The following GRIP1 variants were observed in gnomAD, a reference collection of about 807,000 sequenced individuals.
GRIP1 encodes glutamate receptor-interacting protein 1.
Under a neutral mutation model 129.9 loss-of-function variants are expected in GRIP1, and 45 were observed. The observed-to-expected ratio is 0.35, with a 90% CI of 0.27 to 0.44. GRIP1 has a LOEUF of 0.44. Ranked by LOEUF, GRIP1 falls within the 20% of genes least tolerant of loss-of-function variation. The probability of loss-of-function intolerance (pLI) is 1.00; values close to 1 mark genes in which losing one functional copy is unlikely to be tolerated. For synonymous variants in GRIP1, 530 were observed against 520.8 expected (o/e 1.02, Z -0.24); for missense variants, 1,196 against 1,396.8 (o/e 0.86, Z 2.29).
rs2034459482 is a variant in GRIP1 at position 66,678,868 on chromosome 12, G to A, written c.37C>T (p.Leu13=). The change falls in exon 1 of 25, where the codon CTG becomes TTG. Residue 13 remains leucine (L), a synonymous_variant. Coordinates refer to ENST00000359742, the MANE Select transcript of GRIP1 (RefSeq NM_001366722.1). ...ACGATACCTTTAGTAAGTCGCCTCA[G>A]AATTTGACAACGGCATTTAAAAGAG... ...AVSFKCRCQI[L]RRLTKDESPY... is the part of the protein sequence containing the mutation. The A allele has an allele frequency of 6.2e-7, 1 of 1,613,348 alleles. No homozygotes were observed. The highest frequency in any genetic ancestry group is 1.3e-5 in the African/African-American group (1 of 74,902).
chr12:66,633,090 G>A (rs906992549), intron 1 of GRIP1, among the ~76,000 whole-genome samples: 1 of 151,602 alleles, frequency 6.6e-6, no homozygotes, highest in Non-Finnish European at 1.5e-5. Flanking sequence ...TTGGCTCACT[G>A]AAGCCTTGAC....
In GRIP1 at chr12:67,006,262, C is replaced by T. The variant is rs149068842; in HGVS notation, c.58+62788G>A. ...TCCAGTCAAGTAGGCTGCTAGGCAC[C>T]AACATTAAACAAAAAAGCCAGGCGA... On this transcript the variant is annotated intron_variant, in intron 1 of 1. Coordinates refer to the GRIP1 transcript ENST00000643019. 3.3e-5 allele frequency among the ~76,000 whole-genome samples: 5 copies of T among 152,094 alleles called. No individual in the cohort carries two copies. The South Asian group carries it at 6.2e-4, about 19-fold the overall frequency.
intron 7 of GRIP1, among the ~76,000 whole-genome samples, chr12:66,467,611 T>A (rs1353417627): frequency 2.0e-5 from 3 of 152,200 alleles, no homozygotes; most frequent in Non-Finnish European, 1.5e-5. Flanking sequence ...AGGTGGTTAG[T>A]TTTGCCCACC....
chr12:66,952,117 G>A (rs2041767740), intron 1 of GRIP1, among the ~76,000 whole-genome samples: 1 of 152,250 alleles, frequency 6.6e-6, no homozygotes, highest in East Asian at 1.9e-4. Flanking sequence ...AGGAAAGAAA[G>A]GTCAGAGGAG....
At chr12:66,603,707 C>T (rs2064382987) in intron 1 of GRIP1, among the ~76,000 whole-genome samples, 1 of 152,196 alleles carries the variant, frequency 6.6e-6, no homozygotes, top group African/African-American at 2.4e-5. Context: ...CCCAGGCCTG[C>T]AATGATCAAA....
chr12:66,543,704 C>T (rs1205225478), intron 2 of GRIP1, among the ~76,000 whole-genome samples: 1 of 152,134 alleles, frequency 6.6e-6, no homozygotes, highest in African/African-American at 2.4e-5. Context: ...ACCAAAATGA[C>T]ATAGATGATG....
At position 66,377,297 on chromosome 12, in the gene GRIP1, A is replaced by C. The variant is rs560588455; in HGVS notation, c.2622-12T>G. On this transcript the variant is annotated splice_polypyrimidine_tract_variant and intron_variant, in intron 20 of 24. Transcript: ENST00000359742. ...CAGCCCCTGCAAAACTGTTGTCAAG[A>C]AACACAGGCTGGGTTAGGAACTTGC... The C allele has an allele frequency of 3.9e-6, 6 of 1,539,362 alleles. No individual in the cohort carries two copies. The South Asian group carries it at 6.7e-5, about 17-fold the overall frequency.
At chr12:66,806,024 CA>C (rs2038985950), upstream of GRIP1, among the ~76,000 whole-genome samples, 1 of 141,668 alleles carries the variant, frequency 7.1e-6, no homozygotes, top group South Asian at 2.2e-4. Context: ...CTGATTCCCT[CA>C]ACCAAAACAA....
At chr12:66,648,479 G>T (rs2032545105) in intron 1 of GRIP1, among the ~76,000 whole-genome samples, 1 of 152,162 alleles carries the variant, frequency 6.6e-6, no homozygotes, top group African/African-American at 2.4e-5. Flanking sequence ...ATAAATGTTT[G>T]CTGAACTGGA....
At chr12:66,639,494 G>A (rs2031730975) in intron 1 of GRIP1, among the ~76,000 whole-genome samples, 1 of 152,148 alleles carries the variant, frequency 6.6e-6, no homozygotes, top group Admixed American at 6.5e-5. Flanking sequence ...CAGCAAAGTG[G>A]GAGGAGCAGA....
intron 11 of GRIP1, among the ~76,000 whole-genome samples, chr12:66,454,858 A>G (rs1006316509): frequency 6.6e-6 from 1 of 152,166 alleles, no homozygotes; most frequent in African/African-American, 2.4e-5. Context: ...AAAGTATTGG[A>G]GTCTTGGGGA....
intron 1 of GRIP1, among the ~76,000 whole-genome samples, chr12:67,042,153 G>A (rs965693584): frequency 2.6e-5 from 4 of 152,234 alleles, no homozygotes; most frequent in Admixed American, 6.5e-5. Flanking sequence ...GCCTTCTCCC[G>A]TGGGATGACT....
intron 1 of GRIP1, among the ~76,000 whole-genome samples, chr12:66,920,560 A>G (rs2041195549): frequency 6.6e-6 from 1 of 152,236 alleles, no homozygotes; most frequent in Admixed American, 6.5e-5. Context: ...AGGAAGTTAT[A>G]GAAGGAACCC....
chr12:66,381,546 A>G (rs2056109406), intron 19 of GRIP1, among the ~76,000 whole-genome samples: 2 of 152,234 alleles, frequency 1.3e-5, no homozygotes, highest in African/African-American at 2.4e-5. Flanking sequence ...CAAAGAGCCA[A>G]TGCTAATTGG....
intron 15 of GRIP1, among the ~76,000 whole-genome samples, chr12:66,411,920 C>G (rs535273047): frequency 6.6e-6 from 1 of 151,910 alleles, no homozygotes; most frequent in Middle Eastern, 3.4e-3. Flanking sequence ...GACAGGCAGA[C>G]AAGAATAGAG....
intron 1 of GRIP1, among the ~76,000 whole-genome samples, chr12:66,966,986 G>GCTT (rs1261660864): frequency 6.6e-6 from 1 of 152,130 alleles, no homozygotes; most frequent in African/African-American, 2.4e-5. Context: ...AGGAGATACT[G>GCTT]CTTCTTCTCC....
intron 1 of GRIP1, among the ~76,000 whole-genome samples, chr12:67,013,744 AACATGTAGC>A (rs1269689691): frequency 1.3e-5 from 2 of 152,208 alleles, no homozygotes; most frequent in Admixed American, 1.3e-4. Flanking sequence ...TCCAGCCTCC[AACATGTAGC>A]AGCCATTTTA....
Position 66,401,598 on chromosome 12 carries a change from G to GTATATA in GRIP1, c.1984+4679_1984+4684dup, listed in dbSNP as rs1555177931. The stretch of plus-strand genomic sequence containing the variant: ...CCGTCTCAAAAAAAAAAATATGTGT[G>GTATATA]TATATATATATACACACACACACAC... On this transcript the variant is annotated intron_variant, in intron 16 of 24. Coordinates refer to ENST00000359742, the MANE Select transcript of GRIP1 (RefSeq NM_001366722.1). 8.5e-4 allele frequency among the ~76,000 whole-genome samples: 56 copies of GTATATA among 66,258 alleles called. 1 individual carries two copies. Among genetic ancestry groups the GTATATA allele is most frequent in the South Asian group, 3.8e-3 (6 of 1,564 alleles). 43.5% of individuals were successfully genotyped at this position (66,258 alleles called of 152,430 possible).
chr12:66,705,803 G>A (rs1354345917), intron 1 of GRIP1, among the ~76,000 whole-genome samples: 2 of 151,968 alleles, frequency 1.3e-5, no homozygotes, highest in African/African-American at 4.8e-5. Flanking sequence ...CAAGCAAAAG[G>A]GAAAGGATCT....
Sources: gnomAD v4.1 joint callset for allele counts (sites outside exome capture counted in the v4.1 genomes callset) on GRCh38, gnomAD v4.1.1 for gene constraint, MANE v1.5 for transcripts, NCBI Gene and HGNC (gene_info 2026-07-23, HGNC 2026-07-21) for gene names.